NCOA1: variants seen among roughly 807,000 people sequenced by gnomAD.
NCOA1 encodes the protein nuclear receptor coactivator 1, also known as Hin-2 protein.
In NCOA1, 35 loss-of-function variants were observed where a neutral mutation model predicts 150.9. The ratio of observed to expected loss-of-function variants is 0.23; its 90% CI spans 0.18 to 0.31. The LOEUF (loss-of-function observed/expected upper bound fraction) is 0.31. Among genes scored for constraint, NCOA1 ranks in the 10% least tolerant of loss-of-function variants. The pLI, the probability that NCOA1 is intolerant of heterozygous loss-of-function variation, is 1.00. For synonymous variants in NCOA1, 590 were observed against 630.0 expected (o/e 0.94, Z 0.95); for missense variants, 1,491 against 1,749.3 (o/e 0.85, Z 2.63).
At chr2:24,680,436 G>C (rs1490046794) in intron 7 of NCOA1, among the ~76,000 whole-genome samples, 1 of 152,174 alleles carries the variant, frequency 6.6e-6, no homozygotes, top group African/African-American at 2.4e-5. Context: ...CAATATGTAT[G>C]AACCTAGAAG....
rs1425115430 is a variant in NCOA1 at position 24,491,573 on chromosome 2, G to T, written c.-425G>T. Among the ~76,000 whole-genome samples, 1 of 69,864 alleles carries T rather than the reference G, an allele frequency of 1.4e-5. No homozygotes were observed. Among genetic ancestry groups the T allele is most frequent in the African/African-American group, 3.7e-5 (1 of 27,118 alleles). The allele number at this position is 69,864 out of a possible 152,430, so 45.8% of individuals were successfully genotyped here. On this transcript the variant is annotated 5_prime_UTR_variant, in exon 1 of 23. Transcript: ENST00000348332. ...ACGGTCGCGGACGAGTGCGGCGCCGGTGAGCGGGGCCCAGAGGCGGCGGCG... is the reference window on the plus strand; with the variant it reads ...ACGGTCGCGGACGAGTGCGGCGCCGTTGAGCGGGGCCCAGAGGCGGCGGCG...
At chr2:24,663,358 A>C (rs1451592962) in intron 5 of NCOA1, among the ~76,000 whole-genome samples, 1 of 152,158 alleles carries the variant, frequency 6.6e-6, no homozygotes, top group African/African-American at 2.4e-5. Flanking sequence ...ATAGTATTCT[A>C]GTCTTGCTGC....
intron 10 of NCOA1, among the ~76,000 whole-genome samples, chr2:24,697,096 G>T (rs1211677605): frequency 6.6e-6 from 1 of 152,016 alleles, no homozygotes; most frequent in African/African-American, 2.4e-5. Flanking sequence ...TATGTTCCGT[G>T]TGCATACTGC....
chr2:24,709,600 TACCTTTTCTTTCTCTTACTGG>T, intron 13 of NCOA1, among the ~76,000 whole-genome samples: 3 of 152,266 alleles, frequency 2.0e-5, no homozygotes, highest in Non-Finnish European at 4.4e-5. Flanking sequence ...TGCTAAGGCT[TACCTTTTCTTTCTCTTACTGG>T]CACTTTTTGA....
chr2:24,595,329 A>G (rs1667843021), intron 3 of NCOA1, among the ~76,000 whole-genome samples: 2 of 152,124 alleles, frequency 1.3e-5, no homozygotes, highest in Admixed American at 6.5e-5. Flanking sequence ...AATTTACAAA[A>G]CAGAAGTTTC....
At chr2:24,513,497 GT>G (rs1363136580) in intron 1 of NCOA1, among the ~76,000 whole-genome samples, 1 of 151,238 alleles carries the variant, frequency 6.6e-6, no homozygotes, top group Non-Finnish European at 1.5e-5. Flanking sequence ...TAATTTCCAT[GT>G]TTTATTATTA....
chr2:24,627,873 A>G (rs1669503964), intron 3 of NCOA1, among the ~76,000 whole-genome samples: 1 of 152,240 alleles, frequency 6.6e-6, no homozygotes, highest in South Asian at 2.1e-4. Context: ...GAGAAATTGT[A>G]TTGCAGAATG....
In NCOA1 at chr2:24,665,750, A is replaced by G. The variant is rs1671390178; in HGVS notation, c.91A>G (p.Thr31Ala). 6.5e-7 allele frequency: 1 copy of G among 1,549,782 alleles called. No homozygotes were observed. The highest frequency in any genetic ancestry group is 2.4e-5 in the East Asian group (1 of 41,680). ...GSPCDTLASS[T>A]EKRRREQENK... ...AACTGGATTTTCTTTGTGTAACAGCACGGAAAAGAGGCGCAGGGAGCAAGA... is the reference window on the plus strand; with the variant it reads ...AACTGGATTTTCTTTGTGTAACAGCGCGGAAAAGAGGCGCAGGGAGCAAGA... Residue 31 changes from threonine (T) to alanine (A), a missense_variant and splice_region_variant, in exon 6 of 23, where the codon ACG becomes GCG. Physicochemically the swap from Thr to Ala is moderately conservative, Grantham distance 58. This residue lies in a region of NCOA1 where 40 missense variants were observed against 39.6 expected (regional missense o/e 1.01). Transcript: ENST00000348332.
Position 24,665,821 on chromosome 2 carries a change from T to G in NCOA1, c.162T>G (p.Ile54Met). Residue 54 changes from isoleucine to methionine, a missense_variant, in exon 6 of 23, where the codon ATT becomes ATG. Physicochemically the swap from Ile to Met is conservative, Grantham distance 10. Around this residue, in one of 8 missense-constraint regions of NCOA1, gnomAD observed 80 missense variants for 163.0 expected, o/e 0.49. Coordinates refer to ENST00000348332, the MANE Select transcript of NCOA1 (RefSeq NM_003743.5). ...TAGCTGAGTTACTGTCTGCCAACAT[T>G]AGTGACATTGACAGCTTGAGTGTAA... is the stretch of plus-strand genomic sequence containing the variant. ...EELAELLSAN[I>M]SDIDSLSVKP... 1 of 1,606,324 alleles carries G rather than the reference T, an allele frequency of 6.2e-7. No individual in the cohort carries two copies. The highest frequency in any genetic ancestry group is 8.5e-7 in the Non-Finnish European group (1 of 1,176,080).
rs1443581160 is a variant in NCOA1 at position 24,705,141 on chromosome 2, G to T, written c.1005G>T (p.Gly335=). 1 of 1,614,120 alleles carries T rather than the reference G, an allele frequency of 6.2e-7. No homozygotes were observed. The highest frequency in any genetic ancestry group is 2.2e-5 in the East Asian group (1 of 44,880). The part of the protein sequence containing the change: ...SPSYRFILND[G]TMLSAHTKCK... The stretch of plus-strand genomic sequence containing the variant: ...CCTATAGATTCATATTGAATGATGG[G>T]ACAATGCTTAGCGCCCACACCAAGT... Residue 335 remains glycine (G), a synonymous_variant, in exon 12 of 23, where the codon GGG becomes GGT. Coordinates refer to ENST00000348332, the MANE Select transcript of NCOA1 (RefSeq NM_003743.5).
At chr2:24,492,366 G>A (rs778197477) in intron 1 of NCOA1, among the ~76,000 whole-genome samples, 2 of 152,154 alleles carry the variant, frequency 1.3e-5, no homozygotes, top group Non-Finnish European at 2.9e-5. Flanking sequence ...CCTTGTAAAA[G>A]ACCTGAAAAA....
At chr2:24,524,089 T>C (rs998912160) in intron 1 of NCOA1, among the ~76,000 whole-genome samples, 21 of 152,116 alleles carry the variant, frequency 1.4e-4, no homozygotes, top group African/African-American at 5.1e-4. Flanking sequence ...CACAAAAATA[T>C]CTTCATCCCC....
At chr2:24,712,077 GTATTT>G (rs1462550577) in intron 14 of NCOA1, among the ~76,000 whole-genome samples, 6 of 152,310 alleles carry the variant, frequency 3.9e-5, no homozygotes, top group Admixed American at 3.9e-4. Context: ...TTTGGAGGCA[GTATTT>G]TAGCTGACCA....
chr2:24,758,172 G>A lies in NCOA1; in HGVS notation c.4065+16G>A, dbSNP rs776512563. 3.8e-5 allele frequency: 61 copies of A among 1,597,614 alleles called. No individual in the cohort carries two copies. Among genetic ancestry groups the A allele is most frequent in the Non-Finnish European group, 4.9e-5 (57 of 1,168,236 alleles). ...CCCTGAGCAGGTAAGTGGCACACTC[G>A]CCACACACATGCCACACCACATCAC... On this transcript the variant is annotated intron_variant, in intron 21 of 22. Coordinates refer to ENST00000348332, the MANE Select transcript of NCOA1 (RefSeq NM_003743.5).
At chr2:24,504,141 C>T (rs2148083200) in intron 1 of NCOA1, among the ~76,000 whole-genome samples, 1 of 152,314 alleles carries the variant, frequency 6.6e-6, no homozygotes, top group East Asian at 1.9e-4. Context: ...AGTATACATA[C>T]ATAAGTTTGT....
chr2:24,760,306 A>ATTTTT (rs70947842), intron 21 of NCOA1, among the ~76,000 whole-genome samples: 11 of 99,734 alleles, frequency 1.1e-4, no homozygotes, highest in Admixed American at 3.9e-4. Flanking sequence ...TGCCCGGCTA[A>ATTTTT]TTTTTTTTTT....
chr2:24,747,884 A>G (rs541549705), intron 19 of NCOA1, among the ~76,000 whole-genome samples: 3 of 152,308 alleles, frequency 2.0e-5, no homozygotes, highest in East Asian at 3.9e-4. Flanking sequence ...AGGCAAGTGG[A>G]TCACCTGAGG....
At chr2:24,532,827 C>A (rs1173832886) in intron 1 of NCOA1, among the ~76,000 whole-genome samples, 3 of 152,130 alleles carry the variant, frequency 2.0e-5, no homozygotes, top group Non-Finnish European at 4.4e-5. Flanking sequence ...TGTTTAGGTA[C>A]CATTACCATG....
At chr2:24,667,730 A>G (rs1006637089) in intron 6 of NCOA1, among the ~76,000 whole-genome samples, 14 of 152,186 alleles carry the variant, frequency 9.2e-5, no homozygotes, top group Admixed American at 2.0e-4. Context: ...AGTGGCAGGC[A>G]CACTCTGCCC....
Sources: allele counts gnomAD v4.1 joint callset (sites outside exome capture counted in the v4.1 genomes callset), GRCh38; gene constraint gnomAD v4.1.1; regional missense constraint gnomAD v4.1.1; transcripts MANE v1.5; gene names NCBI Gene and HGNC (gene_info 2026-07-23, HGNC 2026-07-21).